LOC400499: variants seen among roughly 807,000 people sequenced by gnomAD.
chr16:11,384,595 G>C, the LOC400499 span, among the ~76,000 whole-genome samples: 7 of 152,298 alleles, frequency 4.6e-5, no homozygotes, highest in African/African-American at 1.7e-4. Flanking sequence ...TGGAATCCAG[G>C]CCCTTCCTTT....
At chr16:11,488,695 C>A in the LOC400499 span, 1 of 398,762 alleles carries the variant, frequency 2.5e-6, no homozygotes, top group African/African-American at 2.1e-5. Flanking sequence ...AGGGGCTGCC[C>A]AGGATGGCCA....
the LOC400499 span, among the ~76,000 whole-genome samples, chr16:11,497,252 G>T: frequency 2.0e-5 from 3 of 152,296 alleles, no homozygotes; most frequent in South Asian, 6.2e-4. Context: ...ATGCGTGTGG[G>T]TCTTGGCGTG....
the LOC400499 span, among the ~76,000 whole-genome samples, chr16:11,440,318 G>A: frequency 1.3e-5 from 2 of 152,154 alleles, no homozygotes; most frequent in Non-Finnish European, 2.9e-5. Context: ...CTCCCTTGCA[G>A]CTAGGTGGGA....
the LOC400499 span, chr16:11,456,839 G>A: frequency 1.4e-4 from 214 of 1,536,024 alleles, no homozygotes; most frequent in Non-Finnish European, 1.7e-4. Flanking sequence ...AGCCAAGGAG[G>A]CCCCACAGCC....
At chr16:11,462,589 A>C in the LOC400499 span, 208 of 239,008 alleles carry the variant, frequency 8.7e-4, no homozygotes, top group African/African-American at 4.7e-3. Context: ...CACCCGGCTA[A>C]TTTTTTTATT....
the LOC400499 span, chr16:11,385,439 C>CA: frequency 8.1e-7 from 1 of 1,230,702 alleles, no homozygotes; most frequent in African/African-American, 1.6e-5. Context: ...AGCCCAAAGG[C>CA]AGGGTGAGCG....
the LOC400499 span, chr16:11,502,195 G>T: frequency 2.5e-6 from 1 of 399,064 alleles, no homozygotes; most frequent in East Asian, 3.6e-5. Context: ...GATTCAGAGG[G>T]GGCAGCATGA....
chr16:11,460,923 C>A, the LOC400499 span: 1 of 1,492,542 alleles, frequency 6.7e-7, no homozygotes, highest in South Asian at 1.3e-5. Flanking sequence ...GCAGGCCCTG[C>A]CACCTCCACC....
At chr16:11,460,012 G>T in the LOC400499 span, 79 of 1,490,804 alleles carry the variant, frequency 5.3e-5, no homozygotes, top group Non-Finnish European at 4.0e-5. Flanking sequence ...ACCTCCAGCT[G>T]TGAGTGCAGG....
At chr16:11,416,301 G>T in the LOC400499 span, among the ~76,000 whole-genome samples, 1 of 152,092 alleles carries the variant, frequency 6.6e-6, no homozygotes, top group Non-Finnish European at 1.5e-5. Flanking sequence ...AGGGGACTGG[G>T]GAGTCCCCGG....
At chr16:11,497,881 C>A in the LOC400499 span, among the ~76,000 whole-genome samples, 1 of 152,044 alleles carries the variant, frequency 6.6e-6, no homozygotes, top group Non-Finnish European at 1.5e-5. Flanking sequence ...ATGCAAAAAT[C>A]TCTAACGAAG....
chr16:11,387,094 C>T, the LOC400499 span: 1 of 1,232,556 alleles, frequency 8.1e-7, no homozygotes. Flanking sequence ...GGCGGCACAG[C>T]CCGGGGCAGG....
At chr16:11,401,515 G>A in the LOC400499 span, 8 of 398,548 alleles carry the variant, frequency 2.0e-5, no homozygotes, top group African/African-American at 6.2e-5. Context: ...AAAAGGGCAG[G>A]TGGCTTTCAG....
the LOC400499 span, among the ~76,000 whole-genome samples, chr16:11,509,536 A>G: frequency 6.6e-6 from 1 of 151,744 alleles, no homozygotes; most frequent in Non-Finnish European, 1.5e-5. Context: ...AAAAATAAAA[A>G]TAGACCACTC....
the LOC400499 span, among the ~76,000 whole-genome samples, chr16:11,376,779 G>A: frequency 6.6e-6 from 1 of 152,114 alleles, no homozygotes; most frequent in African/African-American, 2.4e-5. Context: ...AGATCACTTT[G>A]AGTAGTATTG....
At chr16:11,473,371 A>G in the LOC400499 span, among the ~76,000 whole-genome samples, 1 of 151,944 alleles carries the variant, frequency 6.6e-6, no homozygotes, top group East Asian at 1.9e-4. Flanking sequence ...AAAAATTTCA[A>G]GATCTCCTAT....
chr16:11,477,875 G>C, the LOC400499 span: 9,903 of 399,014 alleles, frequency 0.025, 164 homozygotes, highest in Non-Finnish European at 0.034. Flanking sequence ...GAAGTCAGTG[G>C]TTCCTCGGAC....
At chr16:11,504,512 C>T in the LOC400499 span, among the ~76,000 whole-genome samples, 1 of 152,074 alleles carries the variant, frequency 6.6e-6, no homozygotes, top group African/African-American at 2.4e-5. Flanking sequence ...CGAGATTACG[C>T]CACTGCACTT....
At chr16:11,455,706 G>A in the LOC400499 span, among the ~76,000 whole-genome samples, 73 of 145,862 alleles carry the variant, frequency 5.0e-4, no homozygotes, top group African/African-American at 1.8e-3. Context: ...CTGCACTCCA[G>A]CCTGGGTGAC....
Sources: gnomAD v4.1 joint callset for allele counts (sites outside exome capture counted in the v4.1 genomes callset) on GRCh38, gnomAD v4.1.1 for gene constraint, MANE v1.5 for transcripts.